MSH4: variants seen among roughly 807,000 people sequenced by gnomAD.
The protein encoded by MSH4 is mutS protein homolog 4.
In MSH4, 106 loss-of-function variants were observed where a neutral mutation model predicts 113.7. The ratio of observed to expected loss-of-function variants is 0.93; its 90% confidence interval spans 0.80 to 1.10. The LOEUF (loss-of-function observed/expected upper bound fraction) is 1.10. MSH4 is among the 50% of genes least tolerant of loss of function. The probability of loss-of-function intolerance (pLI) is 0.00; values close to 1 mark genes in which losing one functional copy is unlikely to be tolerated. For synonymous variants in MSH4, 368 were observed against 380.2 expected (o/e 0.97, Z 0.37); for missense variants, 1,061 against 1,093.7 (o/e 0.97, Z 0.42).
chr1:75,883,857 C>T lies in MSH4; in HGVS notation c.2107+36C>T, dbSNP rs559914474. 26 of 1,555,820 alleles carry T rather than the reference C, an allele frequency of 1.7e-5. 1 individual carries two copies. In the South Asian group the frequency reaches 3.0e-4, roughly 18 times the overall value. Reference sequence around the variant, plus strand: ...GCTTTATTTATAATGACCAGTTTTACACTCTTTTCAGAATGCTTTGTGCCT... The same window carrying T: ...GCTTTATTTATAATGACCAGTTTTATACTCTTTTCAGAATGCTTTGTGCCT... On this transcript the variant is annotated intron_variant, in intron 15 of 19. Coordinates refer to ENST00000263187, the MANE Select transcript of MSH4 (RefSeq NM_002440.4).
intron 8 of MSH4, among the ~76,000 whole-genome samples, chr1:75,859,446 A>G (rs1051313796): frequency 6.6e-6 from 1 of 152,290 alleles, no homozygotes; most frequent in African/African-American, 2.4e-5. Flanking sequence ...TGTCCCAGAG[A>G]TTCTGGTACG....
At chr1:75,807,247 T>G in intron 3 of MSH4, 106 bp downstream of exon 3, 1 of 821,996 alleles carries the variant, frequency 1.2e-6, no homozygotes, top group Non-Finnish European at 1.8e-6. Flanking sequence ...TAAAGGTTAT[T>G]CATTATTATG....
intron 9 of MSH4, among the ~76,000 whole-genome samples, chr1:75,868,272 C>G (rs981374962): frequency 6.6e-6 from 1 of 152,118 alleles, no homozygotes; most frequent in Non-Finnish European, 1.5e-5. Flanking sequence ...AATTTCTTCA[C>G]CATAAATTCA....
chr1:75,801,906 C>T (rs548807503), intron 1 of MSH4, among the ~76,000 whole-genome samples: 5 of 150,690 alleles, frequency 3.3e-5, no homozygotes, highest in South Asian at 4.2e-4. Flanking sequence ...TGGTGGCTCC[C>T]GATTATAATC....
intron 8 of MSH4, among the ~76,000 whole-genome samples, chr1:75,861,058 A>G (rs546022607): frequency 2.1e-4 from 32 of 152,262 alleles, no homozygotes; most frequent in Admixed American, 5.2e-4. Context: ...CGAATCAGCT[A>G]TTGAAACTTG....
intron 19 of MSH4, among the ~76,000 whole-genome samples, chr1:75,911,384 C>T (rs554540493): frequency 6.6e-6 from 1 of 152,256 alleles, no homozygotes; most frequent in East Asian, 1.9e-4. Context: ...ACTGTTTCCT[C>T]TGTGGAATAC....
intron 14 of MSH4, among the ~76,000 whole-genome samples, chr1:75,881,995 A>G (rs1463850288): frequency 6.6e-6 from 1 of 152,092 alleles, no homozygotes; most frequent in African/African-American, 2.4e-5. Context: ...TGTAGACTTC[A>G]TTACATTAAA....
chr1:75,827,249 T>C (rs527621122), intron 7 of MSH4, among the ~76,000 whole-genome samples: 1 of 152,066 alleles, frequency 6.6e-6, no homozygotes, highest in Non-Finnish European at 1.5e-5. Flanking sequence ...ATTTCATAAG[T>C]GAAGGAGAAA....
intron 8 of MSH4, among the ~76,000 whole-genome samples, chr1:75,863,814 T>G (rs1195015671): frequency 6.6e-6 from 1 of 152,184 alleles, no homozygotes; most frequent in African/African-American, 2.4e-5. Flanking sequence ...TCTTTCTACC[T>G]TCCTGTTTAT....
chr1:75,806,923 A>T (rs895100426), intron 2 of MSH4, 58 bp from the exon 3 acceptor site: 565 of 1,429,390 alleles, frequency 4.0e-4, no homozygotes, highest in African/African-American at 7.2e-4. Flanking sequence ...AGTTTTTTTT[A>T]AAAAAAGAAA....
intron 8 of MSH4, among the ~76,000 whole-genome samples, chr1:75,848,722 T>C (rs1032434393): frequency 7.9e-5 from 12 of 152,060 alleles, no homozygotes; most frequent in Non-Finnish European, 1.5e-4. Context: ...CTGGGTAACA[T>C]AGTGAGGCCT....
intron 7 of MSH4, among the ~76,000 whole-genome samples, chr1:75,825,080 T>G (rs2100523748): frequency 1.3e-5 from 2 of 152,298 alleles, no homozygotes; most frequent in Middle Eastern, 6.8e-3. Context: ...ACAATATTGA[T>G]TCCTCCTATC....
chr1:75,801,762 T>G (rs1287506592), intron 1 of MSH4, among the ~76,000 whole-genome samples: 1 of 151,548 alleles, frequency 6.6e-6, no homozygotes, highest in Non-Finnish European at 1.5e-5. Flanking sequence ...CCATAGTTAC[T>G]CAAGAGGCTG....
chr1:75,898,243 A>G (rs1215443778), intron 18 of MSH4, among the ~76,000 whole-genome samples, 162 bp downstream of exon 18: 2 of 152,062 alleles, frequency 1.3e-5, no homozygotes, highest in Non-Finnish European at 2.9e-5. Context: ...AGCTCATTGT[A>G]TCTATATCTA....
Position 75,902,673 on chromosome 1 carries a change from GTATATA to G in MSH4, c.2619+3024_2619+3029del, listed in dbSNP as rs34304425. ...AGGTACAGGTGTTATATATGTGTATGTATATATATATATATATATATATATATATAT... is the reference window on the plus strand; with the variant it reads ...AGGTACAGGTGTTATATATGTGTATGTATATATATATATATATATATATAT... On this transcript the variant is annotated intron_variant, in intron 19 of 19. Coordinates refer to ENST00000263187, the MANE Select transcript of MSH4 (RefSeq NM_002440.4). 2.7e-3 allele frequency among the ~76,000 whole-genome samples: 247 copies of G among 90,134 alleles called. 8 individuals carry two copies. The highest frequency in any genetic ancestry group is 3.2e-3 in the Non-Finnish European group (139 of 42,922). 59.1% of individuals were successfully genotyped at this position (90,134 alleles called of 152,430 possible).
chr1:75,905,872 G>C (rs1008667927), intron 19 of MSH4, among the ~76,000 whole-genome samples: 1 of 151,860 alleles, frequency 6.6e-6, no homozygotes, highest in African/African-American at 2.4e-5. Context: ...AGCTACTCCT[G>C]CTCTTTTTTG....
intron 7 of MSH4, among the ~76,000 whole-genome samples, chr1:75,843,206 G>T (rs1294099471): frequency 6.6e-6 from 1 of 152,106 alleles, no homozygotes; most frequent in Non-Finnish European, 1.5e-5. Flanking sequence ...CTTTTGCTTT[G>T]TATCCAATAA....
rs191342351 is a variant in MSH4 at position 75,860,594 on chromosome 1, C to T, written c.1231-6920C>T. 2.4e-4 allele frequency among the ~76,000 whole-genome samples: 36 copies of T among 152,298 alleles called. No homozygotes were observed. In the East Asian group the frequency reaches 6.7e-3, roughly 29 times the overall value. ...TTTAAGAATGTTGAATATTGGCCCC[C>T]ACTGTCTTCTGGCTTGTAGGGTTTC... On this transcript the variant is annotated intron_variant, in intron 8 of 19. Transcript: ENST00000263187.
At chr1:75,888,649 G>A (rs1180966383) in intron 15 of MSH4, among the ~76,000 whole-genome samples, 1 of 150,930 alleles carries the variant, frequency 6.6e-6, no homozygotes, top group Middle Eastern at 3.4e-3. Flanking sequence ...ATAATTGCAC[G>A]CATTTAAGAG....
Sources: allele counts gnomAD v4.1 joint callset (sites outside exome capture counted in the v4.1 genomes callset), GRCh38; gene constraint gnomAD v4.1.1; transcripts MANE v1.5; gene names NCBI Gene and HGNC (gene_info 2026-07-23, HGNC 2026-07-21).